Variants in SPATS2 observed in about 807,000 individuals in gnomAD.
SPATS2 encodes the protein spermatogenesis-associated serine-rich protein 2.
In SPATS2, 38 loss-of-function variants were observed where a neutral mutation model predicts 63.7. The observed-to-expected ratio is 0.60, with a 90% confidence interval of 0.46 to 0.78. SPATS2 has a LOEUF of 0.78. Ranked by LOEUF, SPATS2 falls within the 30% of genes least tolerant of loss-of-function variation. The pLI, the probability that SPATS2 is intolerant of heterozygous loss-of-function variation, is 0.00. For synonymous variants in SPATS2, 207 were observed against 232.9 expected, an observed-to-expected ratio of 0.89 and a Z score of 1.01; for missense variants, 588 against 666.2, an observed-to-expected ratio of 0.88 and a Z score of 1.29.
chr12:49,449,318 C>T (rs1018155845), intron 2 of SPATS2, among the ~76,000 whole-genome samples: 3 of 152,152 alleles, frequency 2.0e-5, no homozygotes, highest in Non-Finnish European at 2.9e-5. Context: ...CGGGTTCAAG[C>T]GATTTTCCTG....
At chr12:49,465,366 C>CTTTT (rs61653533) in intron 3 of SPATS2, among the ~76,000 whole-genome samples, 1 of 149,348 alleles carries the variant, frequency 6.7e-6, no homozygotes, top group African/African-American at 2.5e-5. Flanking sequence ...TATGGTCAGT[C>CTTTT]TTTTTTTTTT....
At chr12:49,444,325 C>T (rs1945474416) in intron 2 of SPATS2, among the ~76,000 whole-genome samples, 1 of 151,828 alleles carries the variant, frequency 6.6e-6, no homozygotes, top group Non-Finnish European at 1.5e-5. Flanking sequence ...GATCTTCCTG[C>T]TTCAGCCTGC....
At chr12:49,441,901 T>C (rs1305317503) in intron 2 of SPATS2, 1 of 152,078 alleles carries the variant, frequency 6.6e-6, no homozygotes, top group African/African-American at 2.4e-5. Flanking sequence ...ACAAAATTAC[T>C]AGGAAAACAG....
intron 7 of SPATS2, among the ~76,000 whole-genome samples, chr12:49,495,686 G>T (rs928523296): frequency 6.6e-6 from 1 of 152,120 alleles, no homozygotes; most frequent in Non-Finnish European, 1.5e-5. Flanking sequence ...AAAAATTGCA[G>T]CCTCCGGCAT....
At chr12:49,416,063 C>T (rs1944884078) in intron 2 of SPATS2, among the ~76,000 whole-genome samples, 1 of 151,222 alleles carries the variant, frequency 6.6e-6, no homozygotes, top group African/African-American at 2.4e-5. Context: ...AATCTACTCC[C>T]TGTACCAAAA....
intron 3 of SPATS2, among the ~76,000 whole-genome samples, chr12:49,481,793 C>T (rs1946211203): frequency 6.6e-6 from 1 of 151,906 alleles, no homozygotes; most frequent in Admixed American, 6.6e-5. Context: ...ATGAATCTTG[C>T]CTGAGAATTT....
At chr12:49,523,599 T>C (rs1243302648) in intron 12 of SPATS2, among the ~76,000 whole-genome samples, 19 of 152,182 alleles carry the variant, frequency 1.2e-4, no homozygotes, top group Non-Finnish European at 2.8e-4. Context: ...GATGAGAGTT[T>C]CTAGTGACCT....
chr12:49,389,203 A>C (rs963313625), intron 2 of SPATS2, among the ~76,000 whole-genome samples: 1 of 152,180 alleles, frequency 6.6e-6, no homozygotes, highest in African/African-American at 2.4e-5. Flanking sequence ...TCTCACGCAA[A>C]GCTTCAAGTG....
chr12:49,407,462 C>T (rs1484034153), intron 2 of SPATS2, among the ~76,000 whole-genome samples: 2 of 152,182 alleles, frequency 1.3e-5, no homozygotes, highest in Admixed American at 6.5e-5. Context: ...CCACTGCTCA[C>T]GTTCCTTTAG....
At position 49,484,591 on chromosome 12, in the gene SPATS2, T is replaced by C; in HGVS notation, c.27T>C (p.Asp9=). MSRKQNQK[D]SSGFIFDLQS... ...TATATTTTTCCCTTATTCTTTCAGA[T>C]TCATCAGGATTCATTTTTGATTTGC... Residue 9 remains aspartate (D), a splice_region_variant and synonymous_variant, in exon 4 of 14, where the codon GAT becomes GAC. Transcript: ENST00000552918. 1 of 1,613,798 alleles carries C rather than the reference T, an allele frequency of 6.2e-7. No individual in the cohort carries two copies. The highest frequency in any genetic ancestry group is 8.5e-7 in the Non-Finnish European group (1 of 1,179,790).
intron 2 of SPATS2, among the ~76,000 whole-genome samples, chr12:49,440,668 C>T (rs549212634): frequency 1.3e-5 from 2 of 152,194 alleles, no homozygotes; most frequent in South Asian, 4.1e-4. Flanking sequence ...GGGGTTTCAC[C>T]ATGTTAGCCA....
At chr12:49,437,700 G>A (rs1565721966) in intron 2 of SPATS2, among the ~76,000 whole-genome samples, 1 of 152,206 alleles carries the variant, frequency 6.6e-6, no homozygotes, top group East Asian at 1.9e-4. Context: ...ATGGCGGCGC[G>A]CGCCTGCAAT....
intron 2 of SPATS2, among the ~76,000 whole-genome samples, chr12:49,441,442 A>G (rs1392756375): frequency 6.6e-6 from 1 of 152,044 alleles, no homozygotes; most frequent in African/African-American, 2.4e-5. Context: ...ATAGCTTCCT[A>G]TTTTCTCCTT....
intron 2 of SPATS2, among the ~76,000 whole-genome samples, chr12:49,391,497 G>A (rs1443867700): frequency 6.6e-6 from 1 of 152,112 alleles, no homozygotes; most frequent in Non-Finnish European, 1.5e-5. Context: ...GGGCAACAGG[G>A]CAAGACTGCG....
At chr12:49,516,409 TATTA>T (rs1313908203) in intron 10 of SPATS2, among the ~76,000 whole-genome samples, 1 of 150,388 alleles carries the variant, frequency 6.6e-6, no homozygotes, top group East Asian at 2.0e-4. Flanking sequence ...ACATCTTTTA[TATTA>T]ATAGAAAATT....
chr12:49,370,342 T>C (rs1943976418), intron 1 of SPATS2, among the ~76,000 whole-genome samples: 1 of 152,236 alleles, frequency 6.6e-6, no homozygotes, highest in Non-Finnish European at 1.5e-5. Flanking sequence ...ACCTGGCTTC[T>C]CATGTGTGTA....
At chr12:49,486,035 A>G (rs1293706742) in intron 4 of SPATS2, among the ~76,000 whole-genome samples, 1 of 152,034 alleles carries the variant, frequency 6.6e-6, no homozygotes, top group East Asian at 1.9e-4. Flanking sequence ...CTGGGATTAT[A>G]GGCGTGAGCC....
At chr12:49,475,309 A>G (rs1438456897) in intron 3 of SPATS2, among the ~76,000 whole-genome samples, 2 of 152,260 alleles carry the variant, frequency 1.3e-5, no homozygotes, top group Admixed American at 1.3e-4. Flanking sequence ...TGTATGAATT[A>G]TAACAAAGTA....
Position 49,525,930 on chromosome 12 carries a change from T to C in SPATS2, c.1327-14T>C. ...TGCTAGAGCACCTTGAACATTGTAT[T>C]CTTTCATCTTTAGGTATTGCCAGGG... On this transcript the variant is annotated splice_polypyrimidine_tract_variant and intron_variant, in intron 13 of 13. Transcript: ENST00000552918. 1 of 1,609,776 alleles carries C rather than the reference T, an allele frequency of 6.2e-7. No homozygotes were observed.
Sources: gnomAD v4.1 joint callset for allele counts (sites outside exome capture counted in the v4.1 genomes callset) on GRCh38, gnomAD v4.1.1 for gene constraint, MANE v1.5 for transcripts, NCBI Gene and HGNC (gene_info 2026-07-23, HGNC 2026-07-21) for gene names.